AGMO: variants seen among roughly 807,000 people sequenced by gnomAD.
The protein encoded by AGMO is alkylglycerol monooxygenase.
AGMO carries 75 observed loss-of-function variants against 60.2 expected under a neutral mutation model. The observed-to-expected ratio is 1.25, with a 90% CI of 1.03 to 1.51. The LOEUF is 1.51. AGMO is among the 40% of genes most tolerant of loss of function. The pLI, the probability that AGMO is intolerant of heterozygous loss-of-function variation, is 0.00. For synonymous variants in AGMO, 261 were observed against 177.1 expected, an observed-to-expected ratio of 1.47 and a Z score of -3.76; for missense variants, 763 against 525.5, an observed-to-expected ratio of 1.45 and a Z score of -4.42.
At chr7:15,551,915 A>G (rs1784971151) in intron 2 of AGMO, among the ~76,000 whole-genome samples, 1 of 151,778 alleles carries the variant, frequency 6.6e-6, no homozygotes, top group South Asian at 2.1e-4. Context: ...CCTGACTTCA[A>G]ACTATACTAC....
At chr7:15,411,210 C>A (rs1014150561) in intron 5 of AGMO, among the ~76,000 whole-genome samples, 1 of 151,982 alleles carries the variant, frequency 6.6e-6, no homozygotes, top group African/African-American at 2.4e-5. Flanking sequence ...GATGCCAGTA[C>A]CTTGATCTTG....
At chr7:15,213,737 T>G (rs1280448694) in intron 12 of AGMO, among the ~76,000 whole-genome samples, 1 of 151,964 alleles carries the variant, frequency 6.6e-6, no homozygotes, top group Non-Finnish European at 1.5e-5. Context: ...TCCCAAAATT[T>G]TACAAAGTTA....
intron 4 of AGMO, 98 bp from the exon 5 acceptor site, chr7:15,418,751 A>G (rs1422107166): frequency 6.8e-6 from 5 of 731,834 alleles, no homozygotes; most frequent in African/African-American, 1.9e-5. Flanking sequence ...TTTAGGAAAT[A>G]TATCTCATAC....
chr7:15,147,423 T>G, the AGMO span, among the ~76,000 whole-genome samples: 7 of 152,222 alleles, frequency 4.6e-5, no homozygotes, highest in Admixed American at 4.6e-4. Context: ...AGAGAGGACG[T>G]GTAGGGGAAC....
At chr7:15,442,167 A>T (rs1781575225) in intron 3 of AGMO, among the ~76,000 whole-genome samples, 1 of 152,238 alleles carries the variant, frequency 6.6e-6, no homozygotes, top group African/African-American at 2.4e-5. Context: ...GAATGATGTC[A>T]TGCACATTAG....
At chr7:15,536,460 G>A (rs991692773) in intron 3 of AGMO, among the ~76,000 whole-genome samples, 2 of 151,824 alleles carry the variant, frequency 1.3e-5, no homozygotes, top group Non-Finnish European at 2.9e-5. Context: ...TACAACTATA[G>A]ACTTTTCAGA....
the AGMO span, among the ~76,000 whole-genome samples, chr7:15,169,475 C>T: frequency 1.3e-5 from 2 of 151,824 alleles, no homozygotes; most frequent in Non-Finnish European, 2.9e-5. Flanking sequence ...CGCTCTGTCA[C>T]CCCCAGAGTA....
chr7:15,266,285 G>A (rs1783429621), intron 12 of AGMO, among the ~76,000 whole-genome samples: 1 of 151,948 alleles, frequency 6.6e-6, no homozygotes, highest in African/African-American at 2.4e-5. Context: ...AAAGAGTTCT[G>A]GAGATGGACG....
In AGMO at chr7:15,344,783, G is replaced by A. The variant is rs556243864; in HGVS notation, c.1263+20731C>T. On this transcript the variant is annotated intron_variant, in intron 12 of 12. Transcript: ENST00000342526. ...CTTTTCCATTAGAAATATGGTAGAT[G>A]CACTTGAGTAGTGTGATGCGTTTTC... Among the ~76,000 whole-genome samples, 9 of 152,268 alleles carry A rather than the reference G, an allele frequency of 5.9e-5. No individual in the cohort carries two copies. In the East Asian group the frequency reaches 9.7e-4, roughly 16 times the overall value.
At chr7:15,341,048 G>A (rs1350747833) in intron 12 of AGMO, among the ~76,000 whole-genome samples, 1 of 152,118 alleles carries the variant, frequency 6.6e-6, no homozygotes, top group African/African-American at 2.4e-5. Context: ...TAGCATCAGA[G>A]TAACCTGGAT....
At chr7:15,379,466 G>T (rs776377799) in intron 10 of AGMO, among the ~76,000 whole-genome samples, 1 of 152,036 alleles carries the variant, frequency 6.6e-6, no homozygotes, top group Non-Finnish European at 1.5e-5. Flanking sequence ...ACAACAATCA[G>T]AAAATATTAT....
chr7:15,382,266 C>T (rs954339137), intron 10 of AGMO, among the ~76,000 whole-genome samples: 1 of 152,138 alleles, frequency 6.6e-6, no homozygotes, highest in Admixed American at 6.5e-5. Context: ...ACATTGCATA[C>T]ACAATTGGAT....
chr7:15,386,192 A>G (rs1410790558), intron 9 of AGMO, among the ~76,000 whole-genome samples: 1 of 72,070 alleles, frequency 1.4e-5, no homozygotes, highest in Non-Finnish European at 3.1e-5. Flanking sequence ...AGAAAAGAAA[A>G]GAAAAAAAAG....
rs754491185 is a variant in AGMO at position 15,201,195 on chromosome 7, G to T, written c.*90C>A. 3.8e-5 allele frequency: 28 copies of T among 739,294 alleles called. No homozygotes were observed. The highest frequency in any genetic ancestry group is 5.8e-5 in the Non-Finnish European group (27 of 467,522). The allele number at this position is 739,294 out of a possible 1,614,324, so 45.8% of individuals were successfully genotyped here. A position where few individuals can be genotyped will look rare whatever the true frequency, so the allele number is the denominator to read the frequency against. On this transcript the variant is annotated 3_prime_UTR_variant, in exon 13 of 13. Transcript: ENST00000342526. The stretch of plus-strand genomic sequence containing the variant: ...TTCATTGAAGAAATAGTTCATATAA[G>T]CATTACATAAAATAATTACATTTTA...
intron 12 of AGMO, among the ~76,000 whole-genome samples, chr7:15,233,917 C>T (rs182282204): frequency 2.4e-4 from 36 of 152,034 alleles, no homozygotes; most frequent in African/African-American, 7.0e-4. Flanking sequence ...CGTGGTGGTG[C>T]GCCCCTGTAA....
At chr7:15,230,429 G>C (rs1180908910) in intron 12 of AGMO, among the ~76,000 whole-genome samples, 1 of 152,096 alleles carries the variant, frequency 6.6e-6, no homozygotes, top group Non-Finnish European at 1.5e-5. Flanking sequence ...GGCCTGACAG[G>C]TCCCACATGG....
chr7:15,260,260 A>G (rs1353973846), intron 12 of AGMO, among the ~76,000 whole-genome samples: 1 of 151,666 alleles, frequency 6.6e-6, no homozygotes, highest in African/African-American at 2.4e-5. Context: ...TGCTGTCTTC[A>G]GGAGACTCAA....
At chr7:15,417,643 A>G (rs1176965813) in intron 5 of AGMO, among the ~76,000 whole-genome samples, 1 of 152,218 alleles carries the variant, frequency 6.6e-6, no homozygotes, top group Non-Finnish European at 1.5e-5. Flanking sequence ...TTCATGATAG[A>G]TCTTCAAATA....
intron 3 of AGMO, among the ~76,000 whole-genome samples, chr7:15,512,081 ACTT>A (rs1265267349): frequency 1.1e-4 from 17 of 152,112 alleles, no homozygotes; most frequent in African/African-American, 4.1e-4. Context: ...GATAACTATG[ACTT>A]CTTTTGTAGC....
Sources: allele counts gnomAD v4.1 joint callset (sites outside exome capture counted in the v4.1 genomes callset), GRCh38; gene constraint gnomAD v4.1.1; transcripts MANE v1.5; gene names NCBI Gene and HGNC (gene_info 2026-07-23, HGNC 2026-07-21).